Variants in TUBD1 observed in about 807,000 individuals in gnomAD.
TUBD1 encodes tubulin delta chain.
Under a neutral mutation model 51.2 loss-of-function variants are expected in TUBD1, and 38 were observed. That is an observed-to-expected ratio of 0.74 (90% CI 0.57 to 0.97). The LOEUF is 0.97. Among genes scored for constraint, TUBD1 ranks in the 50% least tolerant of loss-of-function variants. TUBD1 has a pLI of 0.00. For synonymous variants in TUBD1, 169 were observed against 178.2 expected (o/e 0.95, Z 0.41); for missense variants, 489 against 538.4 (o/e 0.91, Z 0.91).
At chr17:59,890,733 A>G in intron 2 of TUBD1, 98 bp downstream of exon 2, 1 of 992,104 alleles carries the variant, frequency 1.0e-6, no homozygotes, top group South Asian at 2.0e-5. Context: ...TTCCCTAGTG[A>G]GATGGGAAGG....
At chr17:59,885,094 G>T in intron 3 of TUBD1, 2 of 355,908 alleles carry the variant, frequency 5.6e-6, no homozygotes, top group South Asian at 2.4e-5. Context: ...CTGGGCGCAA[G>T]GACAGCCTCC....
chr17:59,892,076 G>A (rs1361280082), intron 1 of TUBD1: 15 of 152,148 alleles, frequency 9.9e-5, no homozygotes, highest in Middle Eastern at 3.2e-3. Context: ...GTAGAACACA[G>A]AAGTGTGCTC....
At chr17:59,865,527 C>T (rs916835691) in intron 7 of TUBD1, among the ~76,000 whole-genome samples, 5 of 152,162 alleles carry the variant, frequency 3.3e-5, no homozygotes, top group East Asian at 1.9e-4. Flanking sequence ...TTGCAGTGAG[C>T]TGAGATTACA....
At chr17:59,886,989 A>T (rs561840216) in intron 2 of TUBD1, among the ~76,000 whole-genome samples, 201 of 152,042 alleles carry the variant, frequency 1.3e-3, no homozygotes, top group African/African-American at 4.6e-3. Flanking sequence ...GTTCAAGACC[A>T]AACTGGCCAA....
chr17:59,887,938 C>T (rs1274389016), intron 2 of TUBD1, among the ~76,000 whole-genome samples: 1 of 144,764 alleles, frequency 6.9e-6, no homozygotes, highest in East Asian at 2.0e-4. Context: ...TGTTAGATGT[C>T]TTTTTTTTTT....
chr17:59,876,183 CT>C (rs58236573), intron 5 of TUBD1, among the ~76,000 whole-genome samples: 2 of 149,238 alleles, frequency 1.3e-5, no homozygotes, highest in Non-Finnish European at 1.5e-5. Context: ...GGCATGAATT[CT>C]TTTTTTTTTC....
chr17:59,887,121 G>T (rs2040773389), intron 2 of TUBD1, among the ~76,000 whole-genome samples: 3 of 152,128 alleles, frequency 2.0e-5, no homozygotes, highest in African/African-American at 7.2e-5. Flanking sequence ...GGGAGGTGGA[G>T]GTTGCAGTGA....
intron 6 of TUBD1, among the ~76,000 whole-genome samples, chr17:59,870,363 T>C (rs2039920489): frequency 1.0e-5 from 1 of 97,508 alleles, no homozygotes; most frequent in Non-Finnish European, 1.9e-5. Flanking sequence ...AGAGTGTGAC[T>C]CCATCTCACA....
chr17:59,885,083 G>A (rs1336272133), intron 3 of TUBD1: 4 of 350,838 alleles, frequency 1.1e-5, no homozygotes, highest in South Asian at 2.4e-5. Context: ...AAGTGGTGCC[G>A]CTGGGCGCAA....
At chr17:59,875,966 A>G (rs913636446) in intron 5 of TUBD1, among the ~76,000 whole-genome samples, 2 of 152,202 alleles carry the variant, frequency 1.3e-5, no homozygotes, top group African/African-American at 2.4e-5. Flanking sequence ...AACAAACTTT[A>G]TAACACTGAG....
Position 59,874,692 on chromosome 17 carries a change from C to G in TUBD1, c.781G>C (p.Glu261Gln). The G allele has an allele frequency of 6.2e-7, 1 of 1,608,086 alleles. No homozygotes were observed. The highest frequency in any genetic ancestry group is 8.5e-7 in the Non-Finnish European group (1 of 1,178,634). Residue 261 changes from glutamate to glutamine, a missense_variant, in exon 6 of 9, where the codon GAG becomes CAG. By Grantham distance (29) the Glu-to-Gln change is conservative. Coordinates refer to ENST00000325752, the MANE Select transcript of TUBD1 (RefSeq NM_016261.4). ...YRRNPLGDLM[E>Q]HLVPHPEFKM... ...AATTCAGGATGGGGAACTAAATGCT[C>G]CATTAAGTCTCCTGTAAAGAAAAAA...
At chr17:59,887,111 G>A (rs759178173) in intron 2 of TUBD1, among the ~76,000 whole-genome samples, 37 of 152,054 alleles carry the variant, frequency 2.4e-4, no homozygotes, top group African/African-American at 6.3e-4. Flanking sequence ...GCTTGATCCC[G>A]GGAGGTGGAG....
At chr17:59,872,200 G>C (rs952463403) in intron 6 of TUBD1, among the ~76,000 whole-genome samples, 1 of 152,038 alleles carries the variant, frequency 6.6e-6, no homozygotes, top group Non-Finnish European at 1.5e-5. Flanking sequence ...GAACTTGTCC[G>C]CCTCGGCCTC....
chr17:59,876,302 C>T (rs1445039518), intron 5 of TUBD1, among the ~76,000 whole-genome samples: 1 of 151,920 alleles, frequency 6.6e-6, no homozygotes, highest in East Asian at 1.9e-4. Flanking sequence ...CTTCAGCTTC[C>T]CTAGTAGCTG....
rs764428158 is a variant in TUBD1, at chr17:59,860,348, C to T, written c.1336G>A (p.Val446Ile). The T allele has an allele frequency of 5.2e-5, 84 of 1,612,456 alleles. 2 individuals are homozygous for T. The Admixed American group carries it at 1.4e-3, about 26-fold the overall frequency. ...CAGAGATTACAGTAACTGGCAACAA[C>T]CTGCTCTAATGACGTGAAACTGTCT... The part of the protein sequence containing the change: ...FLDSFTSLEQ[V>I]VASYCNL The change falls in exon 9 of 9, where the codon GTT becomes ATT. Residue 446 changes from valine to isoleucine, a missense_variant. Transcript: ENST00000325752.
chr17:59,865,208 A>G (rs1205794697), intron 7 of TUBD1, among the ~76,000 whole-genome samples: 1 of 152,136 alleles, frequency 6.6e-6, no homozygotes, highest in Non-Finnish European at 1.5e-5. Flanking sequence ...TACTTGCTGA[A>G]GTCATGATAA....
chr17:59,881,679 C>G (rs1019105517), intron 3 of TUBD1, among the ~76,000 whole-genome samples: 1 of 108,132 alleles, frequency 9.2e-6, no homozygotes, highest in Non-Finnish European at 1.8e-5. Flanking sequence ...TCTCTTTAAG[C>G]TATTTTCTTT....
chr17:59,863,913 C>G, intron 7 of TUBD1, 66 bp from the exon 8 acceptor site: 1 of 1,254,824 alleles, frequency 8.0e-7, no homozygotes. Context: ...AACAAACAAA[C>G]AGATATTTTC....
At chr17:59,878,386 G>T in intron 4 of TUBD1, 52 bp from the exon 5 acceptor site, 1 of 1,340,302 alleles carries the variant, frequency 7.5e-7, no homozygotes. Flanking sequence ...TAATGGTTAA[G>T]ATTACAGATT....
Sources: allele counts gnomAD v4.1 joint callset (sites outside exome capture counted in the v4.1 genomes callset), GRCh38; gene constraint gnomAD v4.1.1; transcripts MANE v1.5; gene names NCBI Gene and HGNC (gene_info 2026-07-23, HGNC 2026-07-21).